The following PKIB variants were observed in gnomAD, a reference collection of about 807,000 sequenced individuals.
The protein encoded by PKIB is PKI-beta.
PKIB carries 2 observed loss-of-function variants against 4.5 expected under a neutral mutation model. The ratio of observed to expected loss-of-function variants is 0.44; its 90% CI spans 0.18 to 1.39. The LOEUF is 1.39. Among genes scored for constraint, PKIB ranks in the 40% most tolerant of loss-of-function variants. PKIB has a pLI of 0.27. For missense variants in PKIB, 94 were observed against 92.6 expected (o/e 1.02, Z -0.06); for synonymous variants, 38 against 36.0 (o/e 1.06, Z -0.20).
intron 2 of PKIB, among the ~76,000 whole-genome samples, chr6:122,486,933 C>G (rs1311506428): frequency 8.2e-6 from 1 of 122,576 alleles, no homozygotes; most frequent in Non-Finnish European, 1.8e-5. Context: ...CACTTGCTGT[C>G]TGTCTATCTA....
chr6:122,551,874 CTTTTTTTTT>C (rs61025863), intron 2 of PKIB, among the ~76,000 whole-genome samples: 1 of 87,520 alleles, frequency 1.1e-5, no homozygotes, highest in African/African-American at 4.3e-5. Context: ...CTTAGTACAT[CTTTTTTTTT>C]TTTTTTTTTT....
intron 2 of PKIB, among the ~76,000 whole-genome samples, chr6:122,518,991 T>C (rs985037079): frequency 2.6e-5 from 4 of 152,176 alleles, no homozygotes; most frequent in African/African-American, 9.6e-5. Flanking sequence ...AAGAAGAAAA[T>C]GCTATAATAC....
chr6:122,520,795 C>T (rs959879014), intron 2 of PKIB, among the ~76,000 whole-genome samples: 1 of 152,024 alleles, frequency 6.6e-6, no homozygotes, highest in Non-Finnish European at 1.5e-5. Context: ...ACAATCAACA[C>T]ATTTTTTGCC....
chr6:122,694,549 AT>A (rs955246139), intron 3 of PKIB, among the ~76,000 whole-genome samples: 118 of 151,802 alleles, frequency 7.8e-4, no homozygotes, highest in Middle Eastern at 6.8e-3. Context: ...AGTTTTCTCA[AT>A]TTTTTTTTCT....
intron 2 of PKIB, among the ~76,000 whole-genome samples, chr6:122,511,154 A>C (rs576161983): frequency 6.6e-6 from 1 of 152,168 alleles, no homozygotes; most frequent in Admixed American, 6.5e-5. Context: ...TGCAGCAATG[A>C]CCAAACTGAC....
chr6:122,578,746 C>A (rs1289863720), intron 2 of PKIB, among the ~76,000 whole-genome samples: 1 of 152,150 alleles, frequency 6.6e-6, no homozygotes, highest in Non-Finnish European at 1.5e-5. Context: ...TGTGTCCCCA[C>A]CCAAATCTCA....
chr6:122,559,145 T>A (rs1337967430), intron 2 of PKIB, among the ~76,000 whole-genome samples: 2 of 151,790 alleles, frequency 1.3e-5, no homozygotes, highest in African/African-American at 4.8e-5. Flanking sequence ...ATATCCAGAA[T>A]CAACAACGAA....
At chr6:122,667,974 C>A (rs1164740398) in intron 2 of PKIB, among the ~76,000 whole-genome samples, 1 of 152,116 alleles carries the variant, frequency 6.6e-6, no homozygotes, top group Non-Finnish European at 1.5e-5. Context: ...GCAACCCCCA[C>A]CCTCTACCCT....
intron 2 of PKIB, among the ~76,000 whole-genome samples, chr6:122,659,887 A>AG (rs1776919167): frequency 6.6e-6 from 1 of 152,194 alleles, no homozygotes; most frequent in Non-Finnish European, 1.5e-5. Flanking sequence ...TGGAAAAAAA[A>AG]CAAGGAACTT....
intron 2 of PKIB, among the ~76,000 whole-genome samples, chr6:122,499,760 A>AAGCC (rs1263272485): frequency 7.2e-5 from 11 of 152,202 alleles, no homozygotes; most frequent in Non-Finnish European, 1.6e-4. Context: ...GGAAAAGAAG[A>AAGCC]AGCCAAATTT....
rs1461508307 is a variant in PKIB, at chr6:122,613,027, T to C, written c.-161+2492T>C. On this transcript the variant is annotated intron_variant, in intron 1 of 4. Transcript: ENST00000368452. ...TTTAGAGCTGAGGTACAGCAAACAC[T>C]TTTGAAAAAAATGTCGCAATATTTC... is the stretch of plus-strand genomic sequence containing the variant. Among the ~76,000 whole-genome samples the C allele has an allele frequency of 5.3e-5, 8 of 152,306 alleles. No individual in the cohort carries two copies. The East Asian group carries it at 1.5e-3, about 29-fold the overall frequency.
upstream of PKIB, among the ~76,000 whole-genome samples, chr6:122,606,585 A>C (rs894398456): frequency 1.3e-4 from 20 of 151,968 alleles, no homozygotes; most frequent in Non-Finnish European, 2.8e-4. Flanking sequence ...AAAGAAAAAA[A>C]AAGCTAGAAG....
chr6:122,685,518 T>C (rs1778059877), intron 3 of PKIB, among the ~76,000 whole-genome samples: 1 of 152,104 alleles, frequency 6.6e-6, no homozygotes, highest in African/African-American at 2.4e-5. Flanking sequence ...TTAGTTTTTA[T>C]TGGCTTTTTA....
chr6:122,672,085 A>G (rs957329332), intron 2 of PKIB, among the ~76,000 whole-genome samples: 4 of 152,194 alleles, frequency 2.6e-5, no homozygotes, highest in African/African-American at 9.6e-5. Context: ...ACAAGCACCA[A>G]GATGAATATT....
At chr6:122,599,114 G>T (rs918699787) in intron 3 of PKIB, among the ~76,000 whole-genome samples, 1 of 152,114 alleles carries the variant, frequency 6.6e-6, no homozygotes, top group South Asian at 2.1e-4. Context: ...GGCTTCTGAG[G>T]AGAATCAACA....
intron 3 of PKIB, chr6:122,717,458 T>G (rs1315861818): frequency 8.4e-6 from 3 of 357,974 alleles, no homozygotes; most frequent in Non-Finnish European, 5.0e-6. Flanking sequence ...TCAGTTTTCA[T>G]TTCCTTCCAA....
chr6:122,675,745 A>G (rs1437876814), intron 3 of PKIB, among the ~76,000 whole-genome samples: 3 of 152,196 alleles, frequency 2.0e-5, no homozygotes, highest in Non-Finnish European at 2.9e-5. Context: ...ACAAGCACAC[A>G]TTTTCACAAA....
At position 122,651,708 on chromosome 6, in the gene PKIB, A is replaced by T. The variant is rs550268433; in HGVS notation, c.-76+18341A>T. Among the ~76,000 whole-genome samples, 9 of 152,274 alleles carry T rather than the reference A, an allele frequency of 5.9e-5. No individual in the cohort carries two copies. The South Asian group carries it at 1.5e-3, about 25-fold the overall frequency. ...ACACAGTGTGAGAGTCTGGTTTTGA[A>T]ATCTTAGCCCTGTGGTTATAGGAGA... On this transcript the variant is annotated intron_variant, in intron 2 of 4. Transcript: ENST00000368452.
intron 3 of PKIB, among the ~76,000 whole-genome samples, chr6:122,593,628 G>A (rs1244362195): frequency 2.0e-5 from 3 of 152,174 alleles, no homozygotes; most frequent in South Asian, 4.2e-4. Flanking sequence ...GCTTTTCAAA[G>A]GCAATATAGA....
Sources: gnomAD v4.1 joint callset for allele counts (sites outside exome capture counted in the v4.1 genomes callset) on GRCh38, gnomAD v4.1.1 for gene constraint, MANE v1.5 for transcripts, NCBI Gene and HGNC (gene_info 2026-07-23, HGNC 2026-07-21) for gene names.